Variants in TNIK observed in about 807,000 individuals in gnomAD.
TNIK encodes the protein TRAF2 and NCK interacting kinase, also known as TRAF2 and NCK-interacting protein kinase.
In TNIK, 49 loss-of-function variants were observed where a neutral mutation model predicts 191.3. The observed-to-expected ratio is 0.26, with a 90% confidence interval of 0.20 to 0.32. The LOEUF is 0.32. TNIK is among the 10% of genes least tolerant of loss of function. TNIK has a pLI of 1.00. For synonymous variants in TNIK, 594 were observed against 600.9 expected (o/e 0.99, Z 0.17); for missense variants, 1,155 against 1,702.3 (o/e 0.68, Z 5.66).
chr3:171,337,114 G>A (rs547625091), intron 2 of TNIK, among the ~76,000 whole-genome samples: 1 of 152,200 alleles, frequency 6.6e-6, no homozygotes, highest in Non-Finnish European at 1.5e-5. Flanking sequence ...ACATGAAAGA[G>A]AACGTAAAAG....
chr3:171,190,915 T>G (rs1737989482), intron 5 of TNIK, 128 bp from the exon 6 acceptor site: 1 of 619,816 alleles, frequency 1.6e-6, no homozygotes, highest in Non-Finnish European at 2.8e-6. Context: ...TATAATCACA[T>G]CTTTCATGTG....
chr3:171,351,428 G>C (rs912543837), intron 2 of TNIK, among the ~76,000 whole-genome samples: 15 of 152,034 alleles, frequency 9.9e-5, no homozygotes, highest in African/African-American at 3.4e-4. Context: ...TTAATCAAAA[G>C]AACTATTCAT....
intron 3 of TNIK, 43 bp downstream of exon 3, chr3:171,228,122 A>G (rs779780029): frequency 1.2e-6 from 2 of 1,605,246 alleles, no homozygotes; most frequent in African/African-American, 1.3e-5. Flanking sequence ...TAAGTCAAGG[A>G]GCATCTGCAT....
intron 2 of TNIK, among the ~76,000 whole-genome samples, chr3:171,329,166 A>G (rs917898108): frequency 7.2e-5 from 11 of 152,122 alleles, no homozygotes; most frequent in Non-Finnish European, 1.2e-4. Flanking sequence ...TGACACGTTA[A>G]CTATTACTTA....
chr3:171,135,555 G>T (rs1421412099), intron 15 of TNIK, among the ~76,000 whole-genome samples: 1 of 152,162 alleles, frequency 6.6e-6, no homozygotes, highest in Non-Finnish European at 1.5e-5. Flanking sequence ...ACGGTTAGTT[G>T]GAAGCTGGAT....
intron 1 of TNIK, among the ~76,000 whole-genome samples, chr3:171,448,258 C>T (rs1727751692): frequency 6.6e-6 from 1 of 152,098 alleles, no homozygotes. Context: ...CAAACATCTG[C>T]ACTATCTAAT....
chr3:171,161,733 A>G lies in TNIK; in HGVS notation c.950-397T>C, dbSNP rs796574642. Reference sequence around the variant, plus strand: ...GGAGATCGAGACCATCCTGGCTAACATGGCAAAACCCCGTCTCTACTAAAA... The same window carrying G: ...GGAGATCGAGACCATCCTGGCTAACGTGGCAAAACCCCGTCTCTACTAAAA... On this transcript the variant is annotated intron_variant, in intron 10 of 32. Transcript: ENST00000436636. Among the ~76,000 whole-genome samples the G allele has an allele frequency of 4.2e-4, 64 of 152,008 alleles. 2 individuals carry two copies. The highest frequency in any genetic ancestry group is 1.4e-3 in the African/African-American group (60 of 41,464).
At chr3:171,155,984 G>A (rs1306700199) in intron 12 of TNIK, among the ~76,000 whole-genome samples, 1 of 152,174 alleles carries the variant, frequency 6.6e-6, no homozygotes, top group Non-Finnish European at 1.5e-5. Context: ...GGAGATTATT[G>A]TGAGGATTAA....
chr3:171,264,440 C>T (rs999887512), intron 2 of TNIK, among the ~76,000 whole-genome samples: 4 of 152,018 alleles, frequency 2.6e-5, no homozygotes, highest in Non-Finnish European at 4.4e-5. Context: ...CCTCAACCTT[C>T]GCCTCCTGGG....
intron 4 of TNIK, 114 bp downstream of exon 4, chr3:171,211,002 G>A: frequency 7.6e-7 from 1 of 1,309,668 alleles, no homozygotes; most frequent in East Asian, 2.4e-5. Context: ...ACATCATGGG[G>A]GCTAATGGTT....
At chr3:171,140,606 T>A in intron 12 of TNIK, 97 bp from the exon 13 acceptor site, 1 of 1,134,274 alleles carries the variant, frequency 8.8e-7, no homozygotes, top group Non-Finnish European at 1.3e-6. Flanking sequence ...AGACATGAAC[T>A]TTTAATGAGA....
At chr3:171,098,509 A>G (rs1050915296) in intron 22 of TNIK, among the ~76,000 whole-genome samples, 1 of 152,200 alleles carries the variant, frequency 6.6e-6, no homozygotes, top group Non-Finnish European at 1.5e-5. Context: ...GTGCACTCTC[A>G]TAAGTTATAT....
intron 15 of TNIK, among the ~76,000 whole-genome samples, chr3:171,133,808 AAGG>A (rs1180190011): frequency 2.6e-5 from 4 of 152,178 alleles, no homozygotes; most frequent in African/African-American, 9.7e-5. Flanking sequence ...CCGGATGGAG[AAGG>A]AGTTTTTATA....
intron 7 of TNIK, among the ~76,000 whole-genome samples, chr3:171,183,765 A>G (rs547263184): frequency 6.1e-4 from 93 of 152,156 alleles, no homozygotes; most frequent in Admixed American, 5.4e-3. Flanking sequence ...TACTAAAAAC[A>G]CAAAAATTCA....
intron 1 of TNIK, among the ~76,000 whole-genome samples, chr3:171,385,395 C>T (rs897623559): frequency 6.6e-6 from 1 of 152,094 alleles, no homozygotes; most frequent in Non-Finnish European, 1.5e-5. Context: ...TGTGTGGCAG[C>T]CACTCTGACG....
chr3:171,095,424 C>T (rs528669736), intron 22 of TNIK, among the ~76,000 whole-genome samples: 2 of 152,310 alleles, frequency 1.3e-5, no homozygotes, highest in East Asian at 3.9e-4. Flanking sequence ...ACTTGTTGTT[C>T]TCCTATTTTA....
chr3:171,071,706 G>A (rs1420125610), intron 28 of TNIK, among the ~76,000 whole-genome samples: 4 of 152,080 alleles, frequency 2.6e-5, no homozygotes, highest in Non-Finnish European at 5.9e-5. Context: ...GAGCAGATAT[G>A]GCAAGATGGT....
intron 2 of TNIK, among the ~76,000 whole-genome samples, chr3:171,240,666 G>A (rs959224305): frequency 1.1e-4 from 16 of 152,030 alleles, no homozygotes; most frequent in South Asian, 2.1e-4. Flanking sequence ...TTGAATGCTC[G>A]CTGCCTTCAG....
intron 18 of TNIK, among the ~76,000 whole-genome samples, chr3:171,122,879 C>T (rs1229963522): frequency 8.5e-5 from 13 of 152,130 alleles, no homozygotes; most frequent in Admixed American, 8.5e-4. Flanking sequence ...CATCTGTTAC[C>T]ACAAAAAATT....
Sources: allele counts gnomAD v4.1 joint callset (sites outside exome capture counted in the v4.1 genomes callset), GRCh38; gene constraint gnomAD v4.1.1; transcripts MANE v1.5; gene names NCBI Gene and HGNC (gene_info 2026-07-23, HGNC 2026-07-21).